Variants in ABCB1 observed in about 807,000 individuals in gnomAD.
ABCB1 encodes the protein ATP-dependent translocase ABCB1.
ABCB1 carries 69 observed loss-of-function variants against 142.0 expected under a neutral mutation model. The observed-to-expected ratio is 0.49, with a 90% CI of 0.40 to 0.59. ABCB1 has a LOEUF of 0.59. ABCB1 is among the 20% of genes least tolerant of loss of function. The pLI is 0.00. For synonymous variants in ABCB1, 532 were observed against 539.2 expected (o/e 0.99, Z 0.18); for missense variants, 1,326 against 1,554.7 (o/e 0.85, Z 2.47).
At chr7:87,511,406 T>G (rs963211321) in intron 25 of ABCB1, among the ~76,000 whole-genome samples, 2 of 152,346 alleles carry the variant, frequency 1.3e-5, no homozygotes, top group Non-Finnish European at 2.9e-5. Context: ...GCTATCTCTA[T>G]TGTAGACTGT....
At chr7:87,675,653 CAAAAAAA>C (rs200136132) in intron 1 of ABCB1, among the ~76,000 whole-genome samples, 968 of 65,832 alleles carry the variant, frequency 0.015, 7 homozygotes, top group Non-Finnish European at 0.021. Flanking sequence ...TATTCACATG[CAAAAAAA>C]AAAAAAAAAA....
At chr7:87,535,444 T>A (rs1005105329) in intron 20 of ABCB1, among the ~76,000 whole-genome samples, 2 of 151,992 alleles carry the variant, frequency 1.3e-5, no homozygotes, top group Admixed American at 1.3e-4. Flanking sequence ...GTAATTCTCG[T>A]ACCTCAGCCT....
intron 17 of ABCB1, 55 bp from the exon 18 acceptor site, chr7:87,541,519 G>T: frequency 8.2e-7 from 1 of 1,218,392 alleles, no homozygotes; most frequent in Non-Finnish European, 1.2e-6. Context: ...ACCCATCCTG[G>T]ACCTGACCCA....
At chr7:87,709,561 A>G in intron 1 of ABCB1, 1 of 972,162 alleles carries the variant, frequency 1.0e-6, no homozygotes, top group South Asian at 4.8e-5. Flanking sequence ...TTTTCTTCCC[A>G]GTAGTACTGC....
At chr7:87,637,144 A>G (rs1410535140) in intron 1 of ABCB1, among the ~76,000 whole-genome samples, 2 of 152,164 alleles carry the variant, frequency 1.3e-5, no homozygotes, top group African/African-American at 4.8e-5. Context: ...GGGAACTACA[A>G]TTCAAGATGA....
At chr7:87,588,001 T>G (rs934651660) in intron 3 of ABCB1, among the ~76,000 whole-genome samples, 3 of 150,648 alleles carry the variant, frequency 2.0e-5, no homozygotes, top group Admixed American at 6.6e-5. Context: ...GAAACAGAAA[T>G]AGCTGACTGA....
At chr7:87,595,296 C>T (rs1051199905) in intron 3 of ABCB1, among the ~76,000 whole-genome samples, 1 of 152,092 alleles carries the variant, frequency 6.6e-6, no homozygotes, top group African/African-American at 2.4e-5. Context: ...TAATCCATTG[C>T]TACCTTTTAT....
In ABCB1 at chr7:87,545,942, T is replaced by C; in HGVS notation, c.1808A>G (p.Asp603Gly). ...ATTTCCTTTCTCCACAATGACTCCA[T>C]CATCGAAACCAGCGATGACGTCAGC... ...RNADVIAGFD[D>G]GVIVEKGNHD... Residue 603 changes from aspartate to glycine, a missense_variant, in exon 15 of 28, where the codon GAT becomes GGT. By Grantham distance (94) the Asp-to-Gly change is moderately conservative (BLOSUM62 -1). Transcript: ENST00000622132. The C allele has an allele frequency of 6.2e-7, 1 of 1,614,170 alleles. No homozygotes were observed. The highest frequency in any genetic ancestry group is 8.5e-7 in the Non-Finnish European group (1 of 1,180,012).
At chr7:87,622,588 C>T (rs543662822) in intron 1 of ABCB1, among the ~76,000 whole-genome samples, 2 of 152,282 alleles carry the variant, frequency 1.3e-5, no homozygotes, top group South Asian at 2.1e-4. Context: ...CCAGAATTAT[C>T]TAGAGACTAT....
At chr7:87,620,191 C>T (rs141882959) in intron 1 of ABCB1, among the ~76,000 whole-genome samples, 4,715 of 151,542 alleles carry the variant, frequency 0.031, 73 homozygotes, top group Middle Eastern at 0.048. Flanking sequence ...GACAGAGTCT[C>T]GCTCTGTTGC....
chr7:87,631,592 A>G (rs1381203680), intron 1 of ABCB1, among the ~76,000 whole-genome samples: 3 of 152,024 alleles, frequency 2.0e-5, no homozygotes, highest in African/African-American at 7.2e-5. Context: ...ACGGGGTTTC[A>G]CCGTATTAGC....
intron 6 of ABCB1, 71 bp from the exon 7 acceptor site, chr7:87,566,312 T>C: frequency 6.7e-7 from 1 of 1,484,590 alleles, no homozygotes; most frequent in South Asian, 1.1e-5. Flanking sequence ...GAAGCCTGTT[T>C]TGAGTGTAGG....
chr7:87,511,813 G>T (rs970294624), intron 25 of ABCB1, among the ~76,000 whole-genome samples: 1 of 152,186 alleles, frequency 6.6e-6, no homozygotes, highest in Non-Finnish European at 1.5e-5. Context: ...CACTTCTTGG[G>T]TTATAACCAG....
intron 1 of ABCB1, among the ~76,000 whole-genome samples, chr7:87,652,431 A>C (rs1473098647): frequency 1.3e-5 from 2 of 152,002 alleles, no homozygotes; most frequent in Non-Finnish European, 2.9e-5. Context: ...ATTTCTAAAC[A>C]ATCAAATCCA....
chr7:87,701,801 A>G (rs899527946), intron 1 of ABCB1, among the ~76,000 whole-genome samples: 2 of 152,212 alleles, frequency 1.3e-5, no homozygotes, highest in Admixed American at 6.5e-5. Flanking sequence ...GCAGAAGCAG[A>G]TATCTAATTA....
rs202149508 is a variant in ABCB1 at position 87,539,257 on chromosome 7, G to A, written c.2397+11C>T. 1.4e-5 allele frequency: 22 copies of A among 1,613,280 alleles called. No individual in the cohort carries two copies. Among genetic ancestry groups the A allele is most frequent in the South Asian group, 4.4e-5 (4 of 91,040 alleles). On this transcript the variant is annotated intron_variant, in intron 19 of 27. Transcript: ENST00000622132. ...CTACACATCCCAGGGCACAGCCCTC[G>A]ATAGACATACCTGTCTGAGCATGGA...
At chr7:87,560,819 CT>C (rs1817532134) in intron 8 of ABCB1, among the ~76,000 whole-genome samples, 1 of 152,016 alleles carries the variant, frequency 6.6e-6, no homozygotes, top group African/African-American at 2.4e-5. Flanking sequence ...AGATTTTGAA[CT>C]TTTGTACACA....
rs1824262436 is a variant in ABCB1 at position 87,657,793 on chromosome 7, A to G, written c.-331+55368T>C. On this transcript the variant is annotated intron_variant, in intron 1 of 28. Transcript: ENST00000265724. ...AACCATGTAGGAAGCCTGGACTCCA[A>G]GTCCCACACAGTAGTAATGAGGATG... 3.3e-5 allele frequency among the ~76,000 whole-genome samples: 5 copies of G among 152,144 alleles called. 1 individual carries two copies. The South Asian group carries it at 1.0e-3, about 32-fold the overall frequency.
intron 1 of ABCB1, among the ~76,000 whole-genome samples, chr7:87,654,820 A>G (rs1217002605): frequency 6.6e-6 from 1 of 152,144 alleles, no homozygotes; most frequent in Non-Finnish European, 1.5e-5. Flanking sequence ...ATAAGGGGCT[A>G]ATTTCCAAAA....
Sources: gnomAD v4.1 joint callset for allele counts (sites outside exome capture counted in the v4.1 genomes callset) on GRCh38, gnomAD v4.1.1 for gene constraint, MANE v1.5 for transcripts, NCBI Gene and HGNC (gene_info 2026-07-23, HGNC 2026-07-21) for gene names.